GRM8: variants seen among roughly 807,000 people sequenced by gnomAD.
GRM8 encodes the protein metabotropic glutamate receptor 8.
In GRM8, 47 loss-of-function variants were observed where a neutral mutation model predicts 87.2. The observed-to-expected ratio is 0.54, with a 90% CI of 0.43 to 0.69. The LOEUF (loss-of-function observed/expected upper bound fraction) is 0.69. Ranked by LOEUF, GRM8 falls within the 30% of genes least tolerant of loss-of-function variation. The pLI, the probability that GRM8 is intolerant of heterozygous loss-of-function variation, is 0.00. For missense variants in GRM8, 1,019 were observed against 1,139.2 expected, an observed-to-expected ratio of 0.89 and a Z score of 1.52; for synonymous variants, 396 against 404.5, an observed-to-expected ratio of 0.98 and a Z score of 0.25.
intron 3 of GRM8, among the ~76,000 whole-genome samples, chr7:127,027,048 C>T (rs1376172992): frequency 6.6e-6 from 1 of 152,172 alleles, no homozygotes; most frequent in Non-Finnish European, 1.5e-5. Context: ...CAGCTTTCTA[C>T]ATATGGCTAG....
rs542227286 is a variant in GRM8 at position 126,794,988 on chromosome 7, T to C, written c.1157-24923A>G. Among the ~76,000 whole-genome samples the C allele has an allele frequency of 2.6e-4, 39 of 152,316 alleles. No homozygotes were observed. The South Asian group carries it at 7.7e-3, about 30-fold the overall frequency. On this transcript the variant is annotated intron_variant, in intron 6 of 10. Transcript: ENST00000339582. ...CAATTAAGCCAGAATCTATCGGCCA[T>C]GGGCAGTGTTGCCAAATAAAATACA...
intron 6 of GRM8, among the ~76,000 whole-genome samples, chr7:126,802,540 A>G (rs931494618): frequency 6.6e-6 from 1 of 152,192 alleles, no homozygotes; most frequent in South Asian, 2.1e-4. Flanking sequence ...AGCCTTAAAA[A>G]AAAAGGAGCT....
At position 126,612,563 on chromosome 7, in the gene GRM8, A is replaced by G. The variant is rs117920771; in HGVS notation, c.1358-3065T>C. Among the ~76,000 whole-genome samples, 414 of 152,298 alleles carry G rather than the reference A, an allele frequency of 2.7e-3. 15 individuals are homozygous for G. The East Asian group carries it at 0.067, about 25-fold the overall frequency. On this transcript the variant is annotated intron_variant, in intron 7 of 10. Coordinates refer to ENST00000339582, the MANE Select transcript of GRM8 (RefSeq NM_000845.3). ...AATATCGAAGCACTCGCAACATTCC[A>G]CAGACTTACTATCCATTCTGTACCT...
At chr7:126,978,976 T>A (rs1238449194) in intron 3 of GRM8, among the ~76,000 whole-genome samples, 1 of 152,244 alleles carries the variant, frequency 6.6e-6, no homozygotes, top group Non-Finnish European at 1.5e-5. Flanking sequence ...CACAGCACAC[T>A]TTATCTTGCT....
At chr7:126,912,995 A>G (rs1029680362) in intron 3 of GRM8, among the ~76,000 whole-genome samples, 4 of 152,240 alleles carry the variant, frequency 2.6e-5, no homozygotes, top group African/African-American at 9.6e-5. Flanking sequence ...GTTTTTCAAT[A>G]AAGAAGTTTT....
chr7:126,828,907 G>A (rs1238332960), intron 6 of GRM8, among the ~76,000 whole-genome samples: 1 of 152,004 alleles, frequency 6.6e-6, no homozygotes, highest in African/African-American at 2.4e-5. Flanking sequence ...TTGTGTCTTT[G>A]TTCTCGTTGG....
chr7:126,852,117 G>A (rs763792523), intron 6 of GRM8, among the ~76,000 whole-genome samples: 2 of 152,078 alleles, frequency 1.3e-5, no homozygotes, highest in African/African-American at 2.4e-5. Flanking sequence ...GATCTCATTC[G>A]TGGATGGAGA....
chr7:127,248,441 G>A (rs1346304550), intron 1 of GRM8, among the ~76,000 whole-genome samples: 1 of 152,194 alleles, frequency 6.6e-6, no homozygotes, highest in Non-Finnish European at 1.5e-5. Context: ...GGCCATGCTG[G>A]ATCTCAAACT....
At chr7:126,920,387 A>C (rs1361975) in intron 3 of GRM8, among the ~76,000 whole-genome samples, 54,350 of 152,022 alleles carry the variant, frequency 0.36, 9,791 homozygotes, top group African/African-American at 0.42. Flanking sequence ...AAAAAAAAAG[A>C]GGGGAAAAGA....
At chr7:127,012,637 CT>C (rs1815011427) in intron 3 of GRM8, among the ~76,000 whole-genome samples, 1 of 152,012 alleles carries the variant, frequency 6.6e-6, no homozygotes, top group Non-Finnish European at 1.5e-5. Context: ...CTATGATGGT[CT>C]TGGGTTGCTG....
At chr7:126,805,509 G>T (rs917404030) in intron 6 of GRM8, among the ~76,000 whole-genome samples, 1 of 152,196 alleles carries the variant, frequency 6.6e-6, no homozygotes, top group African/African-American at 2.4e-5. Flanking sequence ...ATTACTAGAG[G>T]TTCCACTGAG....
chr7:127,106,206 A>T (rs953808083), intron 3 of GRM8, among the ~76,000 whole-genome samples: 1 of 152,228 alleles, frequency 6.6e-6, no homozygotes, highest in Non-Finnish European at 1.5e-5. Context: ...TCAAATTTAC[A>T]GTGGCTCTAA....
Position 126,527,273 on chromosome 7 carries a change from G to A in GRM8, c.2430+5679C>T, listed in dbSNP as rs147950686. On this transcript the variant is annotated intron_variant, in intron 9 of 10. Transcript: ENST00000339582. Reference sequence around the variant, plus strand: ...CTTGAGAGGCTGAGGCAAGAGAATCGCTTGAACCTGGGAGGCAGATGTTGC... The same window carrying A: ...CTTGAGAGGCTGAGGCAAGAGAATCACTTGAACCTGGGAGGCAGATGTTGC... 3.2e-3 allele frequency among the ~76,000 whole-genome samples: 487 copies of A among 152,218 alleles called. 10 individuals carry two copies. Among genetic ancestry groups the A allele is most frequent in the Admixed American group, 0.026 (395 of 15,296 alleles).
chr7:126,859,420 ATT>A (rs1343034153), intron 6 of GRM8, among the ~76,000 whole-genome samples: 8 of 152,170 alleles, frequency 5.3e-5, no homozygotes, highest in Non-Finnish European at 1.0e-4. Flanking sequence ...TCCCCAAGCT[ATT>A]TGCAACTTAA....
intron 6 of GRM8, among the ~76,000 whole-genome samples, chr7:126,831,683 C>G (rs1379944313): frequency 2.0e-5 from 3 of 152,146 alleles, no homozygotes; most frequent in East Asian, 3.9e-4. Context: ...CCTGCTTCAG[C>G]TGGTGCACAG....
intron 7 of GRM8, among the ~76,000 whole-genome samples, chr7:126,748,589 C>A (rs1218936987): frequency 7.0e-6 from 1 of 143,550 alleles, no homozygotes; most frequent in Admixed American, 7.1e-5. Context: ...CAACTAAAAT[C>A]AGAGCAGGTC....
chr7:126,743,686 G>A (rs988676179), intron 7 of GRM8, among the ~76,000 whole-genome samples: 3 of 152,004 alleles, frequency 2.0e-5, no homozygotes, highest in African/African-American at 7.2e-5. Flanking sequence ...AGTATACGTT[G>A]TTTACATGTT....
intron 9 of GRM8, among the ~76,000 whole-genome samples, chr7:126,470,369 T>G (rs945008992): frequency 1.6e-4 from 19 of 116,752 alleles, no homozygotes; most frequent in Admixed American, 3.8e-4. Context: ...GTCCCCAGAG[T>G]GTGAGGTTCC....
intron 7 of GRM8, among the ~76,000 whole-genome samples, chr7:126,686,876 C>A (rs1785206555): frequency 6.6e-6 from 1 of 152,042 alleles, no homozygotes; most frequent in African/African-American, 2.4e-5. Context: ...TGTAACATTA[C>A]TATTTCCTTC....
Sources: allele counts gnomAD v4.1 joint callset (sites outside exome capture counted in the v4.1 genomes callset), GRCh38; gene constraint gnomAD v4.1.1; transcripts MANE v1.5; gene names NCBI Gene and HGNC (gene_info 2026-07-23, HGNC 2026-07-21).